GRIK2: variants seen among roughly 807,000 people sequenced by gnomAD.
The protein encoded by GRIK2 is glutamate receptor ionotropic, kainate 2.
GRIK2 carries 32 observed loss-of-function variants against 100.3 expected under a neutral mutation model. That is an observed-to-expected ratio of 0.32 (90% CI 0.24 to 0.43). GRIK2 has a LOEUF of 0.43. Among genes scored for constraint, GRIK2 ranks in the 20% least tolerant of loss-of-function variants. The pLI is 1.00. For synonymous variants in GRIK2, 417 were observed against 389.4 expected, an observed-to-expected ratio of 1.07 and a Z score of -0.83; for missense variants, 843 against 1,114.9, an observed-to-expected ratio of 0.76 and a Z score of 3.47.
chr6:101,503,300 A>T (rs1412938077), intron 2 of GRIK2, among the ~76,000 whole-genome samples: 1 of 152,188 alleles, frequency 6.6e-6, no homozygotes, highest in Non-Finnish European at 1.5e-5. Flanking sequence ...GATGAGCAGG[A>T]GGTGAGAGCA....
At chr6:101,624,786 G>T (rs1340373819) in intron 3 of GRIK2, among the ~76,000 whole-genome samples, 1 of 151,932 alleles carries the variant, frequency 6.6e-6, no homozygotes, top group South Asian at 2.1e-4. Context: ...GGTAGGCCAG[G>T]AGTGGCACCA....
At chr6:102,050,680 T>A (rs917846829) in intron 15 of GRIK2, among the ~76,000 whole-genome samples, 4,062 of 52,854 alleles carry the variant, frequency 0.077, no homozygotes, top group Middle Eastern at 0.16. Context: ...GAATAAGAAA[T>A]AAAAAGAGAG....
At chr6:101,634,000 G>A (rs565714643) in intron 4 of GRIK2, among the ~76,000 whole-genome samples, 1 of 151,920 alleles carries the variant, frequency 6.6e-6, no homozygotes, top group Admixed American at 6.6e-5. Context: ...GTTTTTTTTG[G>A]CTCTTTTTAA....
At chr6:101,558,058 C>G (rs969385566) in intron 2 of GRIK2, among the ~76,000 whole-genome samples, 2 of 152,158 alleles carry the variant, frequency 1.3e-5, no homozygotes, top group African/African-American at 4.8e-5. Context: ...CCACTTCTTC[C>G]TGAGTCCTTT....
chr6:101,734,971 G>C (rs2128373558), intron 7 of GRIK2, among the ~76,000 whole-genome samples: 1 of 152,172 alleles, frequency 6.6e-6, no homozygotes, highest in South Asian at 2.1e-4. Flanking sequence ...TATAGTGAGA[G>C]ATTGATTTGA....
At chr6:101,638,268 A>G (rs1040952699) in intron 4 of GRIK2, among the ~76,000 whole-genome samples, 16 of 151,024 alleles carry the variant, frequency 1.1e-4, no homozygotes, top group African/African-American at 3.9e-4. Context: ...GAGATATATA[A>G]GTAAACAAAA....
At chr6:101,780,995 C>G (rs1779050980) in intron 7 of GRIK2, among the ~76,000 whole-genome samples, 1 of 152,170 alleles carries the variant, frequency 6.6e-6, no homozygotes, top group Non-Finnish European at 1.5e-5. Context: ...ATTTTGTCCT[C>G]TGAACTAATG....
At chr6:101,575,521 G>C (rs983638934) in intron 2 of GRIK2, among the ~76,000 whole-genome samples, 11 of 151,894 alleles carry the variant, frequency 7.2e-5, no homozygotes, top group African/African-American at 2.7e-4. Context: ...TAACTGTTTT[G>C]TTGTTAATCT....
intron 2 of GRIK2, among the ~76,000 whole-genome samples, chr6:101,595,120 AC>A (rs1216161627): frequency 1.3e-5 from 2 of 151,652 alleles, no homozygotes; most frequent in Non-Finnish European, 3.0e-5. Context: ...TAGAATAGCC[AC>A]TTTTGACAAT....
intron 15 of GRIK2, among the ~76,000 whole-genome samples, chr6:102,051,256 CCTTCCTTCCTTCCTT>C (rs1562140241): frequency 7.1e-5 from 4 of 56,508 alleles, no homozygotes; most frequent in Admixed American, 3.6e-4. Flanking sequence ...TCCCTCCCTT[CCTTCCTTCCTTCCTT>C]CCTTCCTTCC....
chr6:101,760,594 A>ATT (rs1342607421), intron 7 of GRIK2, among the ~76,000 whole-genome samples: 3 of 89,958 alleles, frequency 3.3e-5, no homozygotes, highest in African/African-American at 5.1e-5. Flanking sequence ...ATAATTATAT[A>ATT]TAATTATATA....
intron 3 of GRIK2, 63 bp downstream of exon 3, chr6:101,622,179 G>T (rs1279551489): frequency 5.0e-6 from 5 of 1,001,684 alleles, no homozygotes; most frequent in South Asian, 4.6e-5. Flanking sequence ...ATTCTTAAGA[G>T]ATTTTTTTAT....
chr6:101,808,430 C>T (rs917787309), intron 9 of GRIK2, among the ~76,000 whole-genome samples: 1 of 151,994 alleles, frequency 6.6e-6, no homozygotes, highest in Non-Finnish European at 1.5e-5. Context: ...TTAAACTCTC[C>T]TATGTGACCA....
At chr6:101,621,326 G>A (rs928627054) in intron 2 of GRIK2, among the ~76,000 whole-genome samples, 4 of 152,012 alleles carry the variant, frequency 2.6e-5, no homozygotes, top group African/African-American at 9.7e-5. Flanking sequence ...GATGGCACAC[G>A]CCTGTAGTCT....
At chr6:101,500,033 G>A (rs1773667770) in intron 2 of GRIK2, among the ~76,000 whole-genome samples, 1 of 152,010 alleles carries the variant, frequency 6.6e-6, no homozygotes, top group South Asian at 2.1e-4. Flanking sequence ...TCTGGCTCTT[G>A]GATTTGCTGT....
At chr6:101,979,892 G>A (rs924642241) in intron 14 of GRIK2, among the ~76,000 whole-genome samples, 2 of 151,924 alleles carry the variant, frequency 1.3e-5, no homozygotes, top group Admixed American at 1.3e-4. Context: ...CAGAGAGTAC[G>A]GTATGGGAAA....
chr6:101,763,326 A>G (rs775123934), intron 7 of GRIK2, among the ~76,000 whole-genome samples: 2 of 151,988 alleles, frequency 1.3e-5, no homozygotes, highest in African/African-American at 2.4e-5. Context: ...CCTGAAAACC[A>G]CTCTGAATGT....
At chr6:101,870,318 T>C (rs1407138865) in intron 11 of GRIK2, among the ~76,000 whole-genome samples, 1 of 151,884 alleles carries the variant, frequency 6.6e-6, no homozygotes, top group East Asian at 1.9e-4. Flanking sequence ...TAATACACAG[T>C]AGAAAATGAG....
At chr6:101,972,682 T>C (rs925609099) in intron 14 of GRIK2, among the ~76,000 whole-genome samples, 1 of 151,972 alleles carries the variant, frequency 6.6e-6, no homozygotes, top group Non-Finnish European at 1.5e-5. Context: ...GTCGAAGGTC[T>C]TATATTTAAA....
Sources: gnomAD v4.1 joint callset for allele counts (sites outside exome capture counted in the v4.1 genomes callset) on GRCh38, gnomAD v4.1.1 for gene constraint, MANE v1.5 for transcripts, NCBI Gene and HGNC (gene_info 2026-07-23, HGNC 2026-07-21) for gene names.